Variants in CCDC192 observed in about 807,000 individuals in gnomAD.
CCDC192 encodes the protein coiled-coil domain-containing protein 192.
At chr5:127,779,564 G>A (rs534869496) in intron 3 of CCDC192, among the ~76,000 whole-genome samples, 86 of 152,122 alleles carry the variant, frequency 5.7e-4, no homozygotes, top group Non-Finnish European at 7.4e-4. Flanking sequence ...CAAAGTGCTG[G>A]GATTACAGGC....
chr5:127,876,967 A>G (rs1039615917), intron 6 of CCDC192, among the ~76,000 whole-genome samples: 1 of 152,246 alleles, frequency 6.6e-6, no homozygotes, highest in African/African-American at 2.4e-5. Context: ...CTAAAAGAAT[A>G]AAATCCGTCA....
intron 5 of CCDC192, among the ~76,000 whole-genome samples, chr5:127,835,251 A>G (rs753482370): frequency 3.7e-4 from 57 of 152,240 alleles, no homozygotes; most frequent in Non-Finnish European, 8.8e-5. Context: ...TAAGGATAAA[A>G]TTGGTTCAGT....
intron 5 of CCDC192, among the ~76,000 whole-genome samples, chr5:127,865,838 A>T (rs1751585889): frequency 1.3e-5 from 2 of 151,998 alleles, no homozygotes; most frequent in South Asian, 2.1e-4. Context: ...TCAAGATCAC[A>T]TTTGTAATTT....
At chr5:127,742,870 C>T (rs1229490517) in intron 2 of CCDC192, among the ~76,000 whole-genome samples, 1 of 152,140 alleles carries the variant, frequency 6.6e-6, no homozygotes, top group Non-Finnish European at 1.5e-5. Flanking sequence ...CCTTTTGTTG[C>T]TGGTTGGCAC....
intron 3 of CCDC192, among the ~76,000 whole-genome samples, chr5:127,796,545 A>G (rs1353563734): frequency 1.3e-5 from 2 of 152,196 alleles, no homozygotes; most frequent in Admixed American, 1.3e-4. Context: ...TCAAACAAAA[A>G]CAAAGTCATT....
chr5:127,816,290 A>C (rs1749022644), intron 5 of CCDC192, among the ~76,000 whole-genome samples: 1 of 152,172 alleles, frequency 6.6e-6, no homozygotes, highest in Non-Finnish European at 1.5e-5. Flanking sequence ...TTGAACCATG[A>C]AAAGGGGGGA....
chr5:127,881,610 C>T (rs765278235), intron 6 of CCDC192, among the ~76,000 whole-genome samples: 3 of 152,152 alleles, frequency 2.0e-5, no homozygotes, highest in Non-Finnish European at 4.4e-5. Context: ...AACATAAACA[C>T]AGTAAACTAT....
chr5:127,809,964 C>T (rs1757989882), intron 5 of CCDC192, among the ~76,000 whole-genome samples: 5 of 152,108 alleles, frequency 3.3e-5, no homozygotes, highest in Admixed American at 1.3e-4. Flanking sequence ...TTATTCATAG[C>T]CTAAATATGA....
chr5:127,921,323 T>G (rs1753714823), intron 6 of CCDC192, among the ~76,000 whole-genome samples: 1 of 150,696 alleles, frequency 6.6e-6, no homozygotes, highest in South Asian at 2.1e-4. Context: ...TTGGGGGTCA[T>G]GATGACATTA....
chr5:127,852,711 A>T (rs1451783693), intron 5 of CCDC192, among the ~76,000 whole-genome samples: 2 of 152,274 alleles, frequency 1.3e-5, no homozygotes, highest in East Asian at 3.9e-4. Flanking sequence ...TGGTCCTCAC[A>T]CTTAGTTCTT....
intron 2 of CCDC192, among the ~76,000 whole-genome samples, chr5:127,737,169 G>A (rs995700903): frequency 6.6e-6 from 1 of 151,870 alleles, no homozygotes; most frequent in African/African-American, 2.4e-5. Flanking sequence ...CTTCATTTCT[G>A]CCTTCATTTC....
intron 2 of CCDC192, among the ~76,000 whole-genome samples, chr5:127,709,135 G>A (rs1221165260): frequency 1.5e-5 from 2 of 137,428 alleles, no homozygotes; most frequent in Admixed American, 7.5e-5. Context: ...GAGAGGGAGA[G>A]GGAGGAGAGA....
chr5:127,804,953 C>T (rs915558526), intron 5 of CCDC192, among the ~76,000 whole-genome samples: 1 of 152,168 alleles, frequency 6.6e-6, no homozygotes, highest in Admixed American at 6.5e-5. Flanking sequence ...CCTCATGCTC[C>T]TTGTGCTGGG....
At position 127,889,761 on chromosome 5, in the gene CCDC192, C is replaced by T. The variant is rs1274802117; in HGVS notation, c.535+14100C>T. On this transcript the variant is annotated intron_variant, in intron 6 of 6. Transcript: ENST00000514853. ...CCCCAGTTGGCACGCTGGGCCAGCACCTGGCCCCTGTATTGGCATGCCTAT... is the reference window on the plus strand; with the variant it reads ...CCCCAGTTGGCACGCTGGGCCAGCATCTGGCCCCTGTATTGGCATGCCTAT... 1.3e-5 allele frequency among the ~76,000 whole-genome samples: 2 copies of T among 152,340 alleles called. 1 individual carries two copies. The highest frequency in any genetic ancestry group is 3.9e-4 in the East Asian group (2 of 5,180).
chr5:127,936,689 C>G (rs1409133234), intron 6 of CCDC192, among the ~76,000 whole-genome samples: 1 of 152,234 alleles, frequency 6.6e-6, no homozygotes, highest in Non-Finnish European at 1.5e-5. Context: ...GGTTTTTCCT[C>G]CGTCTCACAT....
At chr5:127,927,672 T>C (rs1753900487) in intron 6 of CCDC192, among the ~76,000 whole-genome samples, 1 of 152,220 alleles carries the variant, frequency 6.6e-6, no homozygotes, top group South Asian at 2.1e-4. Context: ...CTATAATGGT[T>C]TAAGATTCCA....
intron 3 of CCDC192, among the ~76,000 whole-genome samples, chr5:127,775,414 A>T (rs1335207925): frequency 6.6e-6 from 1 of 152,188 alleles, no homozygotes; most frequent in Non-Finnish European, 1.5e-5. Context: ...CTTCTTAAGG[A>T]AACCACAACA....
intron 2 of CCDC192, among the ~76,000 whole-genome samples, chr5:127,708,329 C>T (rs777100731): frequency 3.9e-5 from 6 of 152,124 alleles, no homozygotes; most frequent in Non-Finnish European, 7.3e-5. Flanking sequence ...CCCTAGGCCT[C>T]CAGTGAAAGT....
In CCDC192 at chr5:127,734,118, T is replaced by C. The variant is rs1752820945; in HGVS notation, c.115-20150T>C. ...CAGTCCCCAGAGTGTGATATTCCCCTTCCTGTGTCCATGTGATCTCATTGT... is the reference window on the plus strand; with the variant it reads ...CAGTCCCCAGAGTGTGATATTCCCCCTCCTGTGTCCATGTGATCTCATTGT... On this transcript the variant is annotated intron_variant, in intron 2 of 6. Transcript: ENST00000514853. Among the ~76,000 whole-genome samples the C allele has an allele frequency of 9.0e-5, 11 of 121,618 alleles. No homozygotes were observed. The South Asian group carries it at 2.8e-3, about 31-fold the overall frequency. 79.8% of individuals were successfully genotyped at this position (121,618 alleles called of 152,430 possible). A position where few individuals can be genotyped will look rare whatever the true frequency, so the allele number is the denominator to read the frequency against.
Sources: gnomAD v4.1 joint callset for allele counts (sites outside exome capture counted in the v4.1 genomes callset) on GRCh38, gnomAD v4.1.1 for gene constraint, MANE v1.5 for transcripts, NCBI Gene and HGNC (gene_info 2026-07-23, HGNC 2026-07-21) for gene names.